Variants in DNASE1 observed in about 807,000 individuals in gnomAD.
DNASE1 encodes the protein deoxyribonuclease-1.
DNASE1 carries 40 observed loss-of-function variants against 33.9 expected under a neutral mutation model. The observed-to-expected ratio is 1.18, with a 90% CI of 0.92 to 1.54. DNASE1 has a LOEUF of 1.54. Among genes scored for constraint, DNASE1 ranks in the 40% most tolerant of loss-of-function variants. The pLI, the probability that DNASE1 is intolerant of heterozygous loss-of-function variation, is 0.00. For missense variants in DNASE1, 518 were observed against 372.6 expected (o/e 1.39, Z -3.21); for synonymous variants, 216 against 160.0 (o/e 1.35, Z -2.64).
intron 1 of DNASE1, among the ~76,000 whole-genome samples, chr16:3,636,176 T>G (rs556271224): frequency 5.3e-5 from 8 of 152,336 alleles, no homozygotes; most frequent in South Asian, 2.1e-4. Flanking sequence ...ACATTTTTTT[T>G]CAAGCTCATT....
chr16:3,626,794 A>C (rs1210250886), intron 1 of DNASE1, among the ~76,000 whole-genome samples: 1 of 152,142 alleles, frequency 6.6e-6, no homozygotes, highest in African/African-American at 2.4e-5. Context: ...CTTTTGTTAG[A>C]TGCGTATGCA....
At chr16:3,659,527 A>G (rs776351052), downstream of DNASE1, 1 of 152,226 alleles carries the variant, frequency 6.6e-6, no homozygotes, top group Non-Finnish European at 1.5e-5. Context: ...CGTCAGAACA[A>G]TATTTTTTTC....
chr16:3,632,474 C>T (rs144951044), intron 1 of DNASE1, among the ~76,000 whole-genome samples: 1 of 152,218 alleles, frequency 6.6e-6, no homozygotes, highest in Non-Finnish European at 1.5e-5. Flanking sequence ...CTTTTTCTAT[C>T]CCTGATAATT....
At chr16:3,630,389 CCCAGGTTGG>C (rs2041660685) in intron 1 of DNASE1, among the ~76,000 whole-genome samples, 1 of 152,014 alleles carries the variant, frequency 6.6e-6, no homozygotes, top group South Asian at 2.1e-4. Flanking sequence ...CTCCATGTTG[CCCAGGTTGG>C]CCTTGAACTC....
downstream of DNASE1, chr16:3,662,733 G>A (rs1346353964): frequency 1.3e-6 from 1 of 749,492 alleles, no homozygotes; most frequent in South Asian, 1.5e-5. Flanking sequence ...CACGTGCCGA[G>A]CAGGGACCCA....
upstream of DNASE1, chr16:3,640,696 C>T (rs2042004918): frequency 2.5e-6 from 1 of 398,506 alleles, no homozygotes; most frequent in African/African-American, 2.1e-5. Context: ...GAGTAACACT[C>T]CCCTTTTCCT....
rs192733083 is a variant in DNASE1, at chr16:3,622,576, G to A, written c.-1359+10570G>A. ...GTGGAAATGGATATAGTGTTACAAT[G>A]TTACAGATAGTTTTTACCAGTTTTT... On this transcript the variant is annotated intron_variant and NMD_transcript_variant, in intron 1 of 11. Coordinates refer to the DNASE1 transcript ENST00000570769. Among the ~76,000 whole-genome samples the A allele has an allele frequency of 2.0e-5, 3 of 152,244 alleles. No homozygotes were observed. The East Asian group carries it at 5.8e-4, about 29-fold the overall frequency.
upstream of DNASE1, among the ~76,000 whole-genome samples, chr16:3,638,104 A>AGTGTGTGTGT (rs58884007): frequency 3.9e-4 from 56 of 143,554 alleles, no homozygotes; most frequent in Middle Eastern, 3.5e-3. Flanking sequence ...AGTTTTTGTG[A>AGTGTGTGTGT]GTGTGTGTGT....
chr16:3,614,358 T>A (rs2041025382), intron 1 of DNASE1, among the ~76,000 whole-genome samples: 1 of 152,112 alleles, frequency 6.6e-6, no homozygotes, highest in African/African-American at 2.4e-5. Flanking sequence ...TGGCCTGAAA[T>A]AATTTACTTA....
At position 3,620,796 on chromosome 16, in the gene DNASE1, T is replaced by A. The variant is rs1280577908; in HGVS notation, c.-1359+8790T>A. On this transcript the variant is annotated intron_variant and NMD_transcript_variant, in intron 1 of 11. Coordinates refer to the DNASE1 transcript ENST00000570769. ...TGTTTGGTTTGCCTGATTTTTTTTT[T>A]TAAAAAGTTTATTATTTATTTTGAG... 4.6e-5 allele frequency among the ~76,000 whole-genome samples: 7 copies of A among 151,726 alleles called. No homozygotes were observed. The East Asian group carries it at 7.8e-4, about 17-fold the overall frequency.
In DNASE1 at chr16:3,613,273, A is replaced by G. The variant is rs61468947; in HGVS notation, c.-1359+1267A>G. 9.4e-3 allele frequency among the ~76,000 whole-genome samples: 1,426 copies of G among 152,262 alleles called. 20 individuals carry two copies. The highest frequency in any genetic ancestry group is 0.033 in the African/African-American group (1,365 of 41,556). ...CTGGGCTTTTATTAAGCATGTTTTC[A>G]AGATTTCATCCATGTAGATGAATCA... is the stretch of plus-strand genomic sequence containing the variant. On this transcript the variant is annotated intron_variant and NMD_transcript_variant, in intron 1 of 11. Transcript: ENST00000570769.
At chr16:3,637,087 G>A (rs940298563) in intron 1 of DNASE1, among the ~76,000 whole-genome samples, 2 of 151,656 alleles carry the variant, frequency 1.3e-5, no homozygotes, top group Admixed American at 6.6e-5. Flanking sequence ...TTGAGCCAGT[G>A]CACTCCTGCC....
At chr16:3,620,290 C>T (rs1445588041) in intron 1 of DNASE1, among the ~76,000 whole-genome samples, 4 of 152,124 alleles carry the variant, frequency 2.6e-5, no homozygotes, top group Admixed American at 6.5e-5. Context: ...CATCATTCAT[C>T]ACATCATTTA....
chr16:3,645,846 G>A (rs2042157739), intron 1 of DNASE1, among the ~76,000 whole-genome samples: 1 of 152,228 alleles, frequency 6.6e-6, no homozygotes, highest in Non-Finnish European at 1.5e-5. Flanking sequence ...CAACCAGGCT[G>A]GGGCGCAGAC....
chr16:3,637,931 C>G (rs763691421), intron 1 of DNASE1, among the ~76,000 whole-genome samples: 1 of 152,162 alleles, frequency 6.6e-6, no homozygotes, highest in Non-Finnish European at 1.5e-5. Flanking sequence ...AACTTCAGTT[C>G]TCTGATGCAG....
Position 3,624,284 on chromosome 16 carries a change from A to G in DNASE1, c.-1359+12278A>G, listed in dbSNP as rs543659856. Among the ~76,000 whole-genome samples, 10 of 151,684 alleles carry G rather than the reference A, an allele frequency of 6.6e-5. 1 individual carries two copies. In the South Asian group the frequency reaches 1.7e-3, roughly 25 times the overall value. On this transcript the variant is annotated intron_variant and NMD_transcript_variant, in intron 1 of 11. Transcript: ENST00000570769. ...ACTCTGTCTCAAAAAAAAAAAAAAA[A>G]GGTTAGTGGCTTTTGTGTCCTTGGT...
At chr16:3,641,051 C>T (rs1362037694), upstream of DNASE1, 1 of 397,926 alleles carries the variant, frequency 2.5e-6, no homozygotes, top group African/African-American at 2.1e-5. Flanking sequence ...TAGACTCATC[C>T]CCAGCCCCCA....
chr16:3,649,094 A>C (rs1301830500), intron 1 of DNASE1, among the ~76,000 whole-genome samples: 2 of 152,140 alleles, frequency 1.3e-5, no homozygotes, highest in Non-Finnish European at 2.9e-5. Context: ...CAGATTCAAG[A>C]TTGTTTTGGC....
chr16:3,634,655 G>A (rs535971061), intron 1 of DNASE1, among the ~76,000 whole-genome samples: 40 of 152,078 alleles, frequency 2.6e-4, no homozygotes, highest in African/African-American at 9.6e-5. Flanking sequence ...GACGACAGGT[G>A]TGCACCACCA....
Sources: allele counts gnomAD v4.1 joint callset (sites outside exome capture counted in the v4.1 genomes callset), GRCh38; gene constraint gnomAD v4.1.1; transcripts MANE v1.5; gene names NCBI Gene and HGNC (gene_info 2026-07-23, HGNC 2026-07-21).